CALN1: variants seen among roughly 807,000 people sequenced by gnomAD.
The protein encoded by CALN1 is calcium-binding protein 8.
CALN1 carries 17 observed loss-of-function variants against 30.6 expected under a neutral mutation model. The observed-to-expected ratio is 0.56, with a 90% CI of 0.38 to 0.83. The LOEUF (loss-of-function observed/expected upper bound fraction) is 0.83, where lower values mean the gene tolerates loss of function less well. Among genes scored for constraint, CALN1 ranks in the 40% least tolerant of loss-of-function variants. CALN1 has a pLI of 0.00. For missense variants in CALN1, 291 were observed against 354.9 expected (o/e 0.82, Z 1.45); for synonymous variants, 156 against 131.4 (o/e 1.19, Z -1.28).
intron 4 of CALN1, among the ~76,000 whole-genome samples, chr7:72,074,187 T>C (rs549967992): frequency 5.3e-4 from 81 of 152,252 alleles, no homozygotes; most frequent in Non-Finnish European, 1.1e-3. Flanking sequence ...GTTGATTAAT[T>C]GAGAAAGCGA....
chr7:72,264,791 C>T (rs1361347957), intron 3 of CALN1, among the ~76,000 whole-genome samples: 2 of 152,234 alleles, frequency 1.3e-5, no homozygotes, highest in Admixed American at 1.3e-4. Flanking sequence ...GGTATTAATC[C>T]TAGTACCCAT....
rs1229303177 is a variant in CALN1 at position 71,783,326 on chromosome 7, G to A, written c.*4449C>T. 6.6e-6 allele frequency: 1 copy of A among 152,190 alleles called. No homozygotes were observed. Among genetic ancestry groups the A allele is most frequent in the Non-Finnish European group, 1.5e-5 (1 of 68,070 alleles). The allele number at this position is 152,190 out of a possible 1,614,324, so 9.4% of individuals were successfully genotyped here. On this transcript the variant is annotated 3_prime_UTR_variant, in exon 7 of 7. Coordinates refer to ENST00000395275, the MANE Select transcript of CALN1 (RefSeq NM_031468.4). ...ATCTCAGTTCATCTGTACCATCACG[G>A]TGATATAGGAAAAGGGGCCCTTCCT...
the CALN1 span, among the ~76,000 whole-genome samples, chr7:72,454,988 T>C: frequency 1.3e-5 from 2 of 151,976 alleles, no homozygotes; most frequent in African/African-American, 2.4e-5. Context: ...TGCCCCACCA[T>C]GCCCAGCTAA....
chr7:71,801,588 G>A (rs1787319633), intron 6 of CALN1, among the ~76,000 whole-genome samples: 1 of 152,012 alleles, frequency 6.6e-6, no homozygotes, highest in Non-Finnish European at 1.5e-5. Flanking sequence ...ACATGAAAAT[G>A]GTAACAGAAC....
At chr7:71,986,653 G>A (rs907759623) in intron 5 of CALN1, among the ~76,000 whole-genome samples, 3 of 152,154 alleles carry the variant, frequency 2.0e-5, no homozygotes, top group Non-Finnish European at 4.4e-5. Context: ...AAAAAGAGAA[G>A]AACTTAAAAC....
intron 2 of CALN1, among the ~76,000 whole-genome samples, chr7:72,299,710 T>TG (rs71515106): frequency 7.3e-6 from 1 of 137,566 alleles, no homozygotes; most frequent in African/African-American, 2.7e-5. Context: ...TTTTTTTTTT[T>TG]AAAAAGAGAG....
At chr7:72,456,277 C>T in the CALN1 span, among the ~76,000 whole-genome samples, 3 of 151,924 alleles carry the variant, frequency 2.0e-5, no homozygotes, top group Non-Finnish European at 4.4e-5. Flanking sequence ...AATCCCAGCA[C>T]TTTGGGGAGT....
chr7:72,040,476 C>A (rs867183222), intron 4 of CALN1, among the ~76,000 whole-genome samples: 5 of 152,004 alleles, frequency 3.3e-5, no homozygotes, highest in South Asian at 2.1e-4. Context: ...CAGAGAAAGA[C>A]CCTGTCTCAA....
intron 4 of CALN1, among the ~76,000 whole-genome samples, chr7:72,037,553 C>T (rs1361344627): frequency 6.6e-6 from 1 of 152,176 alleles, no homozygotes; most frequent in African/African-American, 2.4e-5. Flanking sequence ...TGTATCCAGC[C>T]AGATGAACTC....
intron 5 of CALN1, among the ~76,000 whole-genome samples, chr7:71,992,721 G>A (rs924173955): frequency 6.6e-6 from 1 of 152,092 alleles, no homozygotes. Context: ...TTTCCTGAAT[G>A]GCTATTCTTA....
chr7:72,223,327 G>A (rs984244226), intron 3 of CALN1, among the ~76,000 whole-genome samples: 8 of 152,166 alleles, frequency 5.3e-5, no homozygotes, highest in Non-Finnish European at 1.0e-4. Context: ...GTCACTGGAG[G>A]AGGGAAAATA....
intron 5 of CALN1, among the ~76,000 whole-genome samples, chr7:71,834,050 C>T (rs1789452617): frequency 6.6e-6 from 1 of 151,528 alleles, no homozygotes; most frequent in Non-Finnish European, 1.5e-5. Flanking sequence ...GGTGAAACCC[C>T]ATCTCTACTA....
intron 5 of CALN1, among the ~76,000 whole-genome samples, chr7:71,816,689 C>T (rs1788282161): frequency 6.6e-6 from 1 of 152,098 alleles, no homozygotes; most frequent in Non-Finnish European, 1.5e-5. Context: ...GTGGCTTATG[C>T]CTGTAATCCC....
the CALN1 span, among the ~76,000 whole-genome samples, chr7:72,494,799 C>T: frequency 1.3e-5 from 2 of 152,056 alleles, no homozygotes; most frequent in Non-Finnish European, 2.9e-5. Context: ...CTCAAGAGTT[C>T]GAGGCTGCAG....
the CALN1 span, among the ~76,000 whole-genome samples, chr7:72,499,911 T>TTCTTTCTC: frequency 2.5e-5 from 1 of 40,584 alleles, no homozygotes; most frequent in Admixed American, 2.4e-4. Flanking sequence ...CTTTCTTTCT[T>TTCTTTCTC]TCTATCTTTC....
intron 2 of CALN1, among the ~76,000 whole-genome samples, chr7:72,289,105 A>G (rs922099445): frequency 3.9e-5 from 6 of 152,356 alleles, no homozygotes; most frequent in African/African-American, 1.4e-4. Flanking sequence ...TGATTTCCTT[A>G]GCACTTAAAA....
chr7:72,314,776 G>A (rs1800319275), intron 2 of CALN1, among the ~76,000 whole-genome samples: 1 of 151,092 alleles, frequency 6.6e-6, no homozygotes, highest in Non-Finnish European at 1.5e-5. Context: ...GGGATGGGGA[G>A]GAATTTTCTA....
At chr7:72,064,817 AG>A (rs1047518034) in intron 4 of CALN1, among the ~76,000 whole-genome samples, 12 of 152,020 alleles carry the variant, frequency 7.9e-5, no homozygotes, top group Admixed American at 5.9e-4. Flanking sequence ...ATTTCAGATA[AG>A]GGACACTCAA....
chr7:72,344,696 T>C (rs1362970523), intron 2 of CALN1, among the ~76,000 whole-genome samples: 2 of 147,258 alleles, frequency 1.4e-5, no homozygotes, highest in East Asian at 3.9e-4. Flanking sequence ...ATTATTTACA[T>C]TTTTATTTAT....
Sources: allele counts gnomAD v4.1 joint callset (sites outside exome capture counted in the v4.1 genomes callset), GRCh38; gene constraint gnomAD v4.1.1; transcripts MANE v1.5; gene names NCBI Gene and HGNC (gene_info 2026-07-23, HGNC 2026-07-21).